The following RPS6KA5 variants were observed in gnomAD, a reference collection of about 807,000 sequenced individuals.
The protein encoded by RPS6KA5 is ribosomal protein S6 kinase alpha-5.
Under a neutral mutation model 85.5 loss-of-function variants are expected in RPS6KA5, and 27 were observed. The ratio of observed to expected loss-of-function variants is 0.32; its 90% CI spans 0.23 to 0.44. The LOEUF is 0.44. RPS6KA5 is among the 20% of genes least tolerant of loss of function. The pLI, the probability that RPS6KA5 is intolerant of heterozygous loss-of-function variation, is 1.00. For synonymous variants in RPS6KA5, 334 were observed against 348.2 expected (o/e 0.96, Z 0.46); for missense variants, 811 against 980.9 (o/e 0.83, Z 2.31).
chr14:90,982,717 G>A (rs1039922264), intron 2 of RPS6KA5, among the ~76,000 whole-genome samples: 17 of 152,218 alleles, frequency 1.1e-4, no homozygotes, highest in African/African-American at 3.4e-4. Flanking sequence ...AGTGGCTCAC[G>A]CCTCTAATCC....
intron 14 of RPS6KA5, among the ~76,000 whole-genome samples, chr14:90,887,151 A>T (rs1018963482): frequency 2.0e-5 from 3 of 151,932 alleles, no homozygotes; most frequent in Admixed American, 1.3e-4. Flanking sequence ...GTTCATTTTC[A>T]TCTGTATTTT....
At chr14:90,971,025 A>G (rs2140453387) in intron 3 of RPS6KA5, among the ~76,000 whole-genome samples, 1 of 152,198 alleles carries the variant, frequency 6.6e-6, no homozygotes, top group Non-Finnish European at 1.5e-5. Context: ...ATAAAATTTT[A>G]TTGGAACTTG....
intron 2 of RPS6KA5, among the ~76,000 whole-genome samples, chr14:90,994,649 G>T (rs1046417444): frequency 7.5e-6 from 1 of 133,556 alleles, no homozygotes; most frequent in Non-Finnish European, 1.5e-5. Flanking sequence ...TCAGCTCACT[G>T]CAAGCTCCGC....
At chr14:90,935,453 T>C (rs2037204933) in intron 5 of RPS6KA5, among the ~76,000 whole-genome samples, 1 of 152,212 alleles carries the variant, frequency 6.6e-6, no homozygotes, top group Non-Finnish European at 1.5e-5. Context: ...TGTGTCTGTA[T>C]GATAATTCTA....
At chr14:91,012,661 C>A (rs1025601187) in intron 1 of RPS6KA5, among the ~76,000 whole-genome samples, 1 of 152,218 alleles carries the variant, frequency 6.6e-6, no homozygotes, top group Non-Finnish European at 1.5e-5. Context: ...TGGTCACCAA[C>A]GCTTTTATGC....
chr14:90,877,348 G>C (rs1487559759), intron 14 of RPS6KA5, among the ~76,000 whole-genome samples: 1 of 152,182 alleles, frequency 6.6e-6, no homozygotes, highest in African/African-American at 2.4e-5. Context: ...CTAAATCCTT[G>C]ATGTAGCTTG....
At chr14:90,872,404 A>G in intron 16 of RPS6KA5, 82 bp from the exon 17 acceptor site, 1 of 1,485,990 alleles carries the variant, frequency 6.7e-7, no homozygotes, top group East Asian at 2.3e-5. Context: ...AGCAGAAGAC[A>G]ACTTTCCATT....
At chr14:90,913,996 A>G (rs1189539576) in intron 7 of RPS6KA5, among the ~76,000 whole-genome samples, 1 of 152,236 alleles carries the variant, frequency 6.6e-6, no homozygotes, top group Non-Finnish European at 1.5e-5. Context: ...CCATGAGTAC[A>G]TGAGAAACAG....
chr14:91,021,343 T>C (rs1219274017), intron 1 of RPS6KA5, among the ~76,000 whole-genome samples: 1 of 152,120 alleles, frequency 6.6e-6, no homozygotes, highest in Non-Finnish European at 1.5e-5. Context: ...TTTTCAATGC[T>C]TTAATACTCA....
chr14:90,875,750 T>C (rs1231802074), intron 14 of RPS6KA5, among the ~76,000 whole-genome samples: 1 of 151,720 alleles, frequency 6.6e-6, no homozygotes, highest in Non-Finnish European at 1.5e-5. Context: ...ATGTCCTTTG[T>C]AGGGACATGG....
At chr14:90,873,869 C>G (rs2033283225) in intron 15 of RPS6KA5, 74 bp from the exon 16 acceptor site, 1 of 1,313,412 alleles carries the variant, frequency 7.6e-7, no homozygotes, top group Non-Finnish European at 1.1e-6. Flanking sequence ...AGAAATAAAT[C>G]TCAGCTATGT....
intron 5 of RPS6KA5, among the ~76,000 whole-genome samples, chr14:90,924,243 A>G (rs1182033281): frequency 6.6e-6 from 1 of 152,128 alleles, no homozygotes; most frequent in African/African-American, 2.4e-5. Context: ...TTCTAAACCT[A>G]TATTTGCTTC....
Position 90,943,164 on chromosome 14 carries a change from T to C in RPS6KA5, c.532A>G (p.Ile178Val), listed in dbSNP as rs765972573. Residue 178 changes from isoleucine (I) to valine (V), a missense_variant, in exon 5 of 17, where the codon ATT (isoleucine) becomes GTT (valine). Physicochemically the swap from Ile to Val is conservative, Grantham distance 29 (BLOSUM62 3). This residue lies in a region of RPS6KA5 where 650 missense variants were observed against 793.4 expected (regional missense o/e 0.82). Coordinates refer to ENST00000614987, the MANE Select transcript of RPS6KA5 (RefSeq NM_004755.4). Reference sequence around the variant, plus strand: ...TCAAGTAGAATATTCTCAAGCTTAATATCACGATATATAATCCCCAACTGC... The same window carrying C: ...TCAAGTAGAATATTCTCAAGCTTAACATCACGATATATAATCCCCAACTGC... The part of the protein sequence containing the change: ...LHKLGIIYRD[I>V]KLENILLDSN... 2.2e-5 allele frequency: 35 copies of C among 1,598,760 alleles called. No individual in the cohort carries two copies. The highest frequency in any genetic ancestry group is 3.3e-4 in the Middle Eastern group (2 of 6,026).
At chr14:90,959,152 G>A (rs1035004713) in intron 3 of RPS6KA5, among the ~76,000 whole-genome samples, 1 of 152,134 alleles carries the variant, frequency 6.6e-6, no homozygotes, top group African/African-American at 2.4e-5. Flanking sequence ...TGAATTAGGG[G>A]GGTGGGGCAG....
At chr14:90,892,383 C>T (rs1435516074) in intron 13 of RPS6KA5, among the ~76,000 whole-genome samples, 1 of 152,110 alleles carries the variant, frequency 6.6e-6, no homozygotes, top group Admixed American at 6.6e-5. Context: ...CCTCCTATTC[C>T]GGAATATGTA....
At chr14:91,005,441 C>T (rs1194546768) in intron 1 of RPS6KA5, among the ~76,000 whole-genome samples, 1 of 152,144 alleles carries the variant, frequency 6.6e-6, no homozygotes, top group Non-Finnish European at 1.5e-5. Flanking sequence ...GAGTCTTTTC[C>T]ATTACATCTA....
In RPS6KA5 at chr14:90,854,113, C is replaced by T. The variant is rs1196261280; in HGVS notation, c.*17961G>A. 6.6e-6 allele frequency: 1 copy of T among 152,054 alleles called. No homozygotes were observed. Among genetic ancestry groups the T allele is most frequent in the Admixed American group, 6.5e-5 (1 of 15,272 alleles). The allele number at this position is 152,054 out of a possible 1,614,324, so 9.4% of individuals were successfully genotyped here. The stretch of plus-strand genomic sequence containing the variant: ...GTACCTAGAAAATAGAATATTTTTT[C>T]CTCTAAACTAAGATATCTGTTTATA... On this transcript the variant is annotated 3_prime_UTR_variant, in exon 17 of 17. Transcript: ENST00000614987.
At chr14:90,976,203 A>C in intron 3 of RPS6KA5, among the ~76,000 whole-genome samples, 1 of 11,624 alleles carries the variant, frequency 8.6e-5, no homozygotes, top group African/African-American at 3.5e-4. Context: ...AAGAGAACAG[A>C]AAAAAAAAAA....
At chr14:90,935,710 C>CT (rs1233411259) in intron 5 of RPS6KA5, among the ~76,000 whole-genome samples, 4 of 152,234 alleles carry the variant, frequency 2.6e-5, no homozygotes, top group Admixed American at 2.6e-4. Context: ...AGGCTTTTCC[C>CT]TTTAAGTACA....
Sources: gnomAD v4.1 joint callset for allele counts (sites outside exome capture counted in the v4.1 genomes callset) on GRCh38, gnomAD v4.1.1 for gene constraint, gnomAD v4.1.1 regional missense constraint, MANE v1.5 for transcripts, NCBI Gene and HGNC (gene_info 2026-07-23, HGNC 2026-07-21) for gene names.